THTPA: variants seen among roughly 807,000 people sequenced by gnomAD.
THTPA encodes the protein thiamine triphosphatase.
Under a neutral mutation model 16.5 loss-of-function variants are expected in THTPA, and 16 were observed. That is an observed-to-expected ratio of 0.97 (90% CI 0.66 to 1.47). The LOEUF (loss-of-function observed/expected upper bound fraction) is 1.47. Among genes scored for constraint, THTPA ranks in the 40% most tolerant of loss-of-function variants. The pLI, the probability that THTPA is intolerant of heterozygous loss-of-function variation, is 0.00. For synonymous variants in THTPA, 110 were observed against 115.5 expected, an observed-to-expected ratio of 0.95 and a Z score of 0.30; for missense variants, 281 against 280.9, an observed-to-expected ratio of 1.00 and a Z score of 0.00.
the THTPA span, chr14:23,524,118 T>C: frequency 6.5e-7 from 1 of 1,535,178 alleles, no homozygotes; most frequent in Non-Finnish European, 8.7e-7. The surrounding 1 kb of genome is among the most constrained non-coding windows in gnomAD (Gnocchi z 5.6). Flanking sequence ...AGGTTGAACT[T>C]GGGCAAGGAT....
rs1299313413 is a variant in THTPA, at chr14:23,559,101, T to C, written c.*261T>C. 1 of 478,932 alleles carries C rather than the reference T, an allele frequency of 2.1e-6. No homozygotes were observed. The highest frequency in any genetic ancestry group is 3.8e-6 in the Non-Finnish European group (1 of 264,976). 29.7% of individuals were successfully genotyped at this position (478,932 alleles called of 1,614,324 possible). A position where few individuals can be genotyped will look rare whatever the true frequency, so the allele number is the denominator to read the frequency against. On this transcript the variant is annotated 3_prime_UTR_variant, in exon 2 of 2. Transcript: ENST00000288014. ...CTCCATTGATTTCCGCTCGTGTTTA[T>C]AGGATTTCCACTTAGCCGTGATCAG...
the THTPA span, chr14:23,525,357 G>A: frequency 2.0e-6 from 3 of 1,536,168 alleles, no homozygotes; most frequent in Non-Finnish European, 1.7e-6. This position sits in a 1 kb window ranked among gnomAD's most constrained non-coding sequence, Gnocchi z 5.9. Flanking sequence ...TCTGCAAGGG[G>A]CGGGTATAGG....
chr14:23,523,230 G>T, the THTPA span: 1 of 1,432,296 alleles, frequency 7.0e-7, no homozygotes. The surrounding 1 kb of genome is among the most constrained non-coding windows in gnomAD (Gnocchi z 4.1). Flanking sequence ...AAGTTGCCCA[G>T]CGGGGGCTGA....
chr14:23,527,523 T>G, the THTPA span: 4 of 1,503,732 alleles, frequency 2.7e-6, no homozygotes, highest in East Asian at 7.4e-5. Flanking sequence ...TGCACCTGCC[T>G]GAATACCCCT....
chr14:23,535,109 T>C, the THTPA span: 1 of 1,536,120 alleles, frequency 6.5e-7, no homozygotes, highest in Non-Finnish European at 8.7e-7. This position sits in a 1 kb window ranked among gnomAD's most constrained non-coding sequence, Gnocchi z 4.5. Context: ...GGCTCCCCAA[T>C]CTCCTTTGGT....
chr14:23,559,838 G>A lies in THTPA; in HGVS notation c.*998G>A. 6.2e-7 allele frequency: 1 copy of A among 1,614,128 alleles called. No individual in the cohort carries two copies. Among genetic ancestry groups the A allele is most frequent in the Non-Finnish European group, 8.5e-7 (1 of 1,180,028 alleles). On this transcript the variant is annotated 3_prime_UTR_variant, in exon 2 of 2. Coordinates refer to ENST00000288014, the MANE Select transcript of THTPA (RefSeq NM_024328.6). ...TGGTCGTAGGTGAGGCGCAGCTTTA[G>A]CCGCAGGGGGGCCTAGGAATAGGAG...
the THTPA span, among the ~76,000 whole-genome samples, chr14:23,539,564 G>A: frequency 1.2e-4 from 19 of 152,136 alleles, no homozygotes; most frequent in Non-Finnish European, 8.8e-5. Flanking sequence ...AGAGACAAAG[G>A]GCATGGGCAA....
the THTPA span, chr14:23,522,137 C>A: frequency 6.6e-7 from 1 of 1,525,278 alleles, no homozygotes; most frequent in Non-Finnish European, 8.8e-7. Flanking sequence ...GGCCGAGGAG[C>A]GCAGGTGGGA....
chr14:23,526,411 G>C, the THTPA span: 2 of 1,536,280 alleles, frequency 1.3e-6, no homozygotes, highest in Non-Finnish European at 8.7e-7. Flanking sequence ...GGGCAAAGTT[G>C]GTGGTTTTCC....
chr14:23,545,792 T>G, the THTPA span, among the ~76,000 whole-genome samples: 7 of 152,130 alleles, frequency 4.6e-5, no homozygotes, highest in African/African-American at 1.7e-4. Context: ...TCTAGACCCA[T>G]GCCCATGGCC....
At chr14:23,532,451 T>C in the THTPA span, 9 of 1,286,522 alleles carry the variant, frequency 7.0e-6, no homozygotes, top group South Asian at 1.7e-4. Context: ...GGTGCATACT[T>C]TCCTTTTTCT....
At chr14:23,525,657 C>CG in the THTPA span, 5 of 1,535,400 alleles carry the variant, frequency 3.3e-6, no homozygotes, top group African/African-American at 1.4e-5. This position sits in a 1 kb window ranked among gnomAD's most constrained non-coding sequence, Gnocchi z 5.9. Context: ...GGCAATGGGT[C>CG]GGGGGGTGAG....
chr14:23,558,636 C>A (rs945369347), intron 1 of THTPA, 59 bp from the exon 2 acceptor site: 2 of 1,604,114 alleles, frequency 1.2e-6, no homozygotes, highest in African/African-American at 2.7e-5. Context: ...GGGCAGGGAG[C>A]AGAGTCCAAG....
At chr14:23,542,742 ATTC>A in the THTPA span, among the ~76,000 whole-genome samples, 2 of 150,952 alleles carry the variant, frequency 1.3e-5, no homozygotes, top group African/African-American at 2.4e-5. Flanking sequence ...GTAGGAAAAC[ATTC>A]TTTTTTTTTT....
In THTPA at chr14:23,557,217, G is replaced by A; in HGVS notation, c.460G>A (p.Ala154Thr). ...CTTGGATACAGCCGACTTTGGCTAC[G>A]CTGTGGGTGAGGTAGAGGCCCTGGT... is the stretch of plus-strand genomic sequence containing the variant. ...VDLDTADFGY[A>T]VGEVEALVHE... is the part of the protein sequence containing the mutation. The change falls in exon 1 of 2, where the codon GCT becomes ACT. Residue 154 changes from alanine to threonine, a missense_variant. Physicochemically the swap from Ala to Thr is moderately conservative, Grantham distance 58. Coordinates refer to ENST00000288014, the MANE Select transcript of THTPA (RefSeq NM_024328.6). The A allele has an allele frequency of 1.2e-6, 2 of 1,613,744 alleles. No individual in the cohort carries two copies. The highest frequency in any genetic ancestry group is 1.7e-6 in the Non-Finnish European group (2 of 1,179,982).
At chr14:23,549,745 A>G in the THTPA span, among the ~76,000 whole-genome samples, 1 of 152,190 alleles carries the variant, frequency 6.6e-6, no homozygotes, top group Non-Finnish European at 1.5e-5. Context: ...GCACTGACTG[A>G]TGGAGGGGTT....
chr14:23,559,167 T>C lies in THTPA; in HGVS notation c.*327T>C. 1 of 282,948 alleles carries C rather than the reference T, an allele frequency of 3.5e-6. No individual in the cohort carries two copies. Among genetic ancestry groups the C allele is most frequent in the East Asian group, 8.2e-5 (1 of 12,208 alleles). The allele number at this position is 282,948 out of a possible 1,614,324, so 17.5% of individuals were successfully genotyped here. ...AAATCCCTTGCCACCCCCCCTCCCT[T>C]GGTCGATGCCATTGATTCTGCCAGC... On this transcript the variant is annotated 3_prime_UTR_variant, in exon 2 of 2. Coordinates refer to ENST00000288014, the MANE Select transcript of THTPA (RefSeq NM_024328.6).
At chr14:23,522,860 C>T in the THTPA span, 1 of 1,523,226 alleles carries the variant, frequency 6.6e-7, no homozygotes, top group Non-Finnish European at 8.8e-7. Context: ...TAAGGGGCGG[C>T]CTGGGCCAGC....
At chr14:23,541,940 G>A in the THTPA span, among the ~76,000 whole-genome samples, 167 of 152,210 alleles carry the variant, frequency 1.1e-3, no homozygotes, top group African/African-American at 3.9e-3. Flanking sequence ...TATTTAAGGA[G>A]AGCTTACTTT....
Sources: allele counts gnomAD v4.1 joint callset (sites outside exome capture counted in the v4.1 genomes callset), GRCh38; gene constraint gnomAD v4.1.1; non-coding constraint Gnocchi (gnomAD v3.1); transcripts MANE v1.5; gene names NCBI Gene and HGNC (gene_info 2026-07-23, HGNC 2026-07-21).